The following IPO9 variants were observed in gnomAD, a reference collection of about 807,000 sequenced individuals.
The protein encoded by IPO9 is importin-9.
Under a neutral mutation model 128.6 loss-of-function variants are expected in IPO9, and 28 were observed. The ratio of observed to expected loss-of-function variants is 0.22; its 90% CI spans 0.16 to 0.30. IPO9 has a LOEUF of 0.30. IPO9 is among the 10% of genes least tolerant of loss of function. The pLI, the probability that IPO9 is intolerant of heterozygous loss-of-function variation, is 1.00. For synonymous variants in IPO9, 455 were observed against 475.8 expected, an observed-to-expected ratio of 0.96 and a Z score of 0.57; for missense variants, 935 against 1,293.9, an observed-to-expected ratio of 0.72 and a Z score of 4.26.
At chr1:201,852,309 C>T (rs1445331805) in intron 5 of IPO9, 117 bp downstream of exon 5, 6 of 614,592 alleles carry the variant, frequency 9.8e-6, no homozygotes, top group Non-Finnish European at 1.7e-5. Flanking sequence ...CTAGAACTGA[C>T]AAAGATCTGG....
chr1:201,860,326 G>A (rs905367968), intron 13 of IPO9, among the ~76,000 whole-genome samples: 69 of 152,180 alleles, frequency 4.5e-4, no homozygotes, highest in African/African-American at 1.7e-3. Flanking sequence ...AATTAAAATG[G>A]TTGTACATCC....
intron 1 of IPO9, among the ~76,000 whole-genome samples, chr1:201,838,273 C>A (rs1679977421): frequency 6.6e-6 from 1 of 152,184 alleles, no homozygotes; most frequent in Non-Finnish European, 1.5e-5. Flanking sequence ...AGTATCTGAA[C>A]TCAAAGGAAT....
chr1:201,845,028 G>C (rs559115225), intron 1 of IPO9, among the ~76,000 whole-genome samples: 28 of 151,532 alleles, frequency 1.8e-4, no homozygotes, highest in Admixed American at 6.6e-4. Flanking sequence ...TTTTGGGAGG[G>C]GGGGGCGTAC....
At chr1:201,838,275 C>T (rs78001783) in intron 1 of IPO9, among the ~76,000 whole-genome samples, 1 of 152,300 alleles carries the variant, frequency 6.6e-6, no homozygotes, top group African/African-American at 2.4e-5. Context: ...TATCTGAACT[C>T]AAAGGAATTG....
intron 19 of IPO9, among the ~76,000 whole-genome samples, chr1:201,872,195 C>T (rs574116499): frequency 4.8e-4 from 73 of 152,066 alleles, no homozygotes; most frequent in Middle Eastern, 6.8e-3. Flanking sequence ...TCAGCCTGGG[C>T]GACGAGCGAA....
intron 4 of IPO9, among the ~76,000 whole-genome samples, chr1:201,850,275 G>A (rs755022678): frequency 6.6e-5 from 10 of 152,178 alleles, no homozygotes; most frequent in Non-Finnish European, 1.5e-4. Flanking sequence ...ATTTTCAAAC[G>A]AGAGTAGACT....
At chr1:201,834,333 C>T (rs1390011151) in intron 1 of IPO9, among the ~76,000 whole-genome samples, 1 of 151,816 alleles carries the variant, frequency 6.6e-6, no homozygotes, top group Non-Finnish European at 1.5e-5. Flanking sequence ...AGGTTATGAA[C>T]CACCGAAGAT....
At position 201,848,607 on chromosome 1, in the gene IPO9, C is replaced by T; in HGVS notation, c.514+13C>T. 6.2e-7 allele frequency: 1 copy of T among 1,612,662 alleles called. No individual in the cohort carries two copies. The highest frequency in any genetic ancestry group is 2.2e-5 in the East Asian group (1 of 44,880). On this transcript the variant is annotated intron_variant, in intron 4 of 23. Coordinates refer to ENST00000361565, the MANE Select transcript of IPO9 (RefSeq NM_018085.5). ...CGTGTGCTGACAGGTACCAGAAGCC[C>T]TTTTCCCTGGTATTGGTACTTGGAT...
intron 13 of IPO9, among the ~76,000 whole-genome samples, chr1:201,861,914 A>C (rs1347944109): frequency 6.6e-6 from 1 of 152,206 alleles, no homozygotes; most frequent in Non-Finnish European, 1.5e-5. Context: ...TAATGCAAGG[A>C]GGTGAATATG....
In IPO9 at chr1:201,883,178, C is replaced by CA. The variant is rs958988578; in HGVS notation, c.*7124_*7125insA. 3 of 148,922 alleles carry CA rather than the reference C, an allele frequency of 2.0e-5. 1 individual carries two copies. Among genetic ancestry groups the CA allele is most frequent in the South Asian group, 2.2e-4 (1 of 4,464 alleles). 9.2% of individuals were successfully genotyped at this position (148,922 alleles called of 1,614,324 possible). A position where few individuals can be genotyped will look rare whatever the true frequency, so the allele number is the denominator to read the frequency against. ...AATTTGCTTTCACTAGATTCCCCCC[C>CA]CCCCAACAACTTAGTCCAAGAACAT... On this transcript the variant is annotated 3_prime_UTR_variant, in exon 24 of 24. Transcript: ENST00000361565.
intron 14 of IPO9, 38 bp from the exon 15 acceptor site, chr1:201,866,694 AT>A (rs757409023): frequency 8.7e-6 from 13 of 1,495,502 alleles, no homozygotes; most frequent in Middle Eastern, 3.4e-4. Flanking sequence ...CAGGAATTGA[AT>A]TTTTTTTAAT....
At chr1:201,849,452 G>A (rs1216244691) in intron 4 of IPO9, among the ~76,000 whole-genome samples, 1 of 152,142 alleles carries the variant, frequency 6.6e-6, no homozygotes, top group Non-Finnish European at 1.5e-5. Flanking sequence ...TGATCCTTTA[G>A]AAATCATCTT....
At position 201,872,903 on chromosome 1, in the gene IPO9, G is replaced by A. The variant is rs753097156; in HGVS notation, c.2652G>A (p.Lys884=). Residue 884 remains lysine, a synonymous_variant, in exon 20 of 24, where the codon AAG becomes AAA. Coordinates refer to ENST00000361565, the MANE Select transcript of IPO9 (RefSeq NM_018085.5). ...AACGGCTACAGGATATCCGTGTGAA[G>A]GGAGAGGAGATCTACAGCATGGATG... ...DDKRLQDIRV[K]GEEIYSMDEG... is the part of the protein sequence containing the mutation. The A allele has an allele frequency of 1.5e-5, 24 of 1,613,926 alleles. No homozygotes were observed. The highest frequency in any genetic ancestry group is 2.0e-5 in the Non-Finnish European group (24 of 1,179,998).
rs1319856344 is a variant in IPO9 at position 201,851,496 on chromosome 1, C to G, written c.515-608C>G. Reference sequence around the variant, plus strand: ...TTTTTGAGACGTGAAGGGAAAGATACGACCCATATTTCCGTCACCTTCGAG... The same window carrying G: ...TTTTTGAGACGTGAAGGGAAAGATAGGACCCATATTTCCGTCACCTTCGAG... On this transcript the variant is annotated intron_variant, in intron 4 of 23. Transcript: ENST00000361565. 2.0e-5 allele frequency among the ~76,000 whole-genome samples: 3 copies of G among 150,234 alleles called. 1 individual carries two copies. Among genetic ancestry groups the G allele is most frequent in the South Asian group, 4.2e-4 (2 of 4,782 alleles).
Position 201,865,156 on chromosome 1 carries a change from G to A in IPO9, c.1628+1549G>A, listed in dbSNP as rs145413288. Among the ~76,000 whole-genome samples, 443 of 150,314 alleles carry A rather than the reference G, an allele frequency of 2.9e-3. 1 individual carries two copies. Among genetic ancestry groups the A allele is most frequent in the African/African-American group, 0.011 (433 of 40,994 alleles). On this transcript the variant is annotated intron_variant, in intron 14 of 23. Coordinates refer to ENST00000361565, the MANE Select transcript of IPO9 (RefSeq NM_018085.5). ...TTCCTATTTAGTTTACCAGCCAATT[G>A]CAGACTGGCTTATGTCCGTGTCACA...
chr1:201,868,916 C>A (rs1680602502), intron 16 of IPO9, 120 bp downstream of exon 16: 2 of 1,348,210 alleles, frequency 1.5e-6, no homozygotes, highest in East Asian at 5.5e-5. Flanking sequence ...TTTTGCTGAG[C>A]TCTTTTGCCT....
At chr1:201,830,861 C>T (rs1679820720) in intron 1 of IPO9, among the ~76,000 whole-genome samples, 1 of 152,186 alleles carries the variant, frequency 6.6e-6, no homozygotes. Context: ...AAAGGTGGAC[C>T]TTGACTTGTA....
rs573807896 is a variant in IPO9 at position 201,851,535 on chromosome 1, A to G, written c.515-569A>G. Among the ~76,000 whole-genome samples, 6 of 151,120 alleles carry G rather than the reference A, an allele frequency of 4.0e-5. 1 individual carries two copies. In the South Asian group the frequency reaches 1.3e-3, roughly 31 times the overall value. On this transcript the variant is annotated intron_variant, in intron 4 of 23. Transcript: ENST00000361565. Reference sequence around the variant, plus strand: ...GTCACCTTCGAGTCTCATTCTGTGTATAGGTTGCTTTTTGTCACATTTATA... The same window carrying G: ...GTCACCTTCGAGTCTCATTCTGTGTGTAGGTTGCTTTTTGTCACATTTATA...
At chr1:201,860,014 G>C (rs890922232) in intron 13 of IPO9, among the ~76,000 whole-genome samples, 3 of 151,892 alleles carry the variant, frequency 2.0e-5, no homozygotes, top group African/African-American at 7.3e-5. Context: ...GCAATACAGA[G>C]CAGTAGCTGA....
Sources: allele counts gnomAD v4.1 joint callset (sites outside exome capture counted in the v4.1 genomes callset), GRCh38; gene constraint gnomAD v4.1.1; transcripts MANE v1.5; gene names NCBI Gene and HGNC (gene_info 2026-07-23, HGNC 2026-07-21).